The following CFTR variants were observed in gnomAD, a reference collection of about 807,000 sequenced individuals.
CFTR encodes CF transmembrane conductance regulator.
Under a neutral mutation model 171.6 loss-of-function variants are expected in CFTR, and 181 were observed. That is an observed-to-expected ratio of 1.05 (90% CI 0.93 to 1.19). The LOEUF is 1.19. Among genes scored for constraint, CFTR ranks in the 50% most tolerant of loss-of-function variants. CFTR has a pLI of 0.00. For missense variants in CFTR, 1,968 were observed against 1,734.7 expected (o/e 1.13, Z -2.39); for synonymous variants, 583 against 608.0 (o/e 0.96, Z 0.60).
intron 20 of CFTR, 83 bp downstream of exon 20, chr7:117,611,891 A>T: frequency 1.1e-6 from 1 of 889,330 alleles, no homozygotes; most frequent in Non-Finnish European, 1.8e-6. Context: ...TAGGTTATCA[A>T]TTTTTGATAT....
chr7:117,614,439 G>A (rs1792452205), intron 20 of CFTR, among the ~76,000 whole-genome samples, 174 bp from the exon 21 acceptor site: 1 of 152,058 alleles, frequency 6.6e-6, no homozygotes, highest in Non-Finnish European at 1.5e-5. Flanking sequence ...TATATGCAGA[G>A]CATTATTCTA....
Position 117,504,264 on chromosome 7 carries a change from C to T in CFTR, c.65C>T (p.Pro22Leu). 1 of 1,605,124 alleles carries T rather than the reference C, an allele frequency of 6.2e-7. No homozygotes were observed. Among genetic ancestry groups the T allele is most frequent in the Non-Finnish European group, 8.5e-7 (1 of 1,172,008 alleles). ...VSKLFFSWTR[P>L]ILRKGYRQRL... ...TCTCTTTATTTTAGCTGGACCAGACCAATTTTGAGGAAAGGATACAGACAG... is the reference window on the plus strand; with the variant it reads ...TCTCTTTATTTTAGCTGGACCAGACTAATTTTGAGGAAAGGATACAGACAG... The change falls in exon 2 of 27, where the codon CCA becomes CTA. Residue 22 changes from proline to leucine, a missense_variant. Physicochemically the swap from Pro to Leu is moderately conservative, Grantham distance 98 (BLOSUM62 -3). Transcript: ENST00000003084.
chr7:117,518,552 GAAAACATATATA>G (rs1313838269), intron 3 of CFTR, among the ~76,000 whole-genome samples: 1 of 143,838 alleles, frequency 7.0e-6, no homozygotes. Flanking sequence ...TATACATATA[GAAAACATATATA>G]AAAACATATA....
chr7:117,572,943 G>A (rs1464754280), intron 11 of CFTR, among the ~76,000 whole-genome samples: 1 of 151,920 alleles, frequency 6.6e-6, no homozygotes, highest in Non-Finnish European at 1.5e-5. Flanking sequence ...AGGGTTTATG[G>A]TATTTTCCTA....
intron 3 of CFTR, among the ~76,000 whole-genome samples, chr7:117,523,374 GT>G (rs1205226439): frequency 7.2e-6 from 1 of 139,580 alleles, no homozygotes; most frequent in Admixed American, 7.6e-5. Flanking sequence ...GTTTTGTTTT[GT>G]TTTTTGTTTT....
At chr7:117,596,409 C>G (rs1018671496) in intron 15 of CFTR, among the ~76,000 whole-genome samples, 1 of 152,224 alleles carries the variant, frequency 6.6e-6, no homozygotes, top group Non-Finnish European at 1.5e-5. Flanking sequence ...GCAGTGGGCT[C>G]CTGCGTGGCC....
At chr7:117,544,173 A>G (rs1799101238) in intron 9 of CFTR, among the ~76,000 whole-genome samples, 1 of 151,906 alleles carries the variant, frequency 6.6e-6, no homozygotes, top group African/African-American at 2.4e-5. Context: ...CCTTTTGGTG[A>G]TTTTTCTTTT....
chr7:117,529,513 T>TTA, intron 3 of CFTR, among the ~76,000 whole-genome samples: 1 of 119,980 alleles, frequency 8.3e-6, no homozygotes, highest in Admixed American at 8.5e-5. Flanking sequence ...ACTTAGAGTA[T>TTA]AAAAAAAAAA....
intron 20 of CFTR, among the ~76,000 whole-genome samples, chr7:117,612,035 A>ATATG (rs1554392408): frequency 6.7e-5 from 5 of 74,244 alleles, no homozygotes; most frequent in Admixed American, 1.2e-4. Flanking sequence ...ATATATATAT[A>ATATG]TATATATATA....
Position 117,667,317 on chromosome 7 carries a change from A to T in CFTR, c.*209A>T, listed in dbSNP as rs1265404822. On this transcript the variant is annotated 3_prime_UTR_variant, in exon 27 of 27. Coordinates refer to ENST00000003084, the MANE Select transcript of CFTR (RefSeq NM_000492.4). ...ATAAATGGCTTCCTGGCAATAGTCAAATTGTGTGAAAGGTACTTCAAATCC... is the reference window on the plus strand; with the variant it reads ...ATAAATGGCTTCCTGGCAATAGTCATATTGTGTGAAAGGTACTTCAAATCC... 29 of 567,410 alleles carry T rather than the reference A, an allele frequency of 5.1e-5. No homozygotes were observed. Among genetic ancestry groups the T allele is most frequent in the Non-Finnish European group, 8.9e-5 (28 of 314,126 alleles). The allele number at this position is 567,410 out of a possible 1,614,324, so 35.1% of individuals were successfully genotyped here.
At chr7:117,520,262 T>A (rs1437522211) in intron 3 of CFTR, among the ~76,000 whole-genome samples, 8 of 149,742 alleles carry the variant, frequency 5.3e-5, no homozygotes, top group African/African-American at 2.0e-4. Flanking sequence ...TTGTTTCTAG[T>A]GAGTTTTTTT....
At position 117,627,644 on chromosome 7, in the gene CFTR, C is replaced by T. The variant is rs1393226501; in HGVS notation, c.3591C>T (p.His1197=). The T allele has an allele frequency of 4.3e-6, 7 of 1,613,278 alleles. No individual in the cohort carries two copies. Among genetic ancestry groups the T allele is most frequent in the Non-Finnish European group, 4.2e-6 (5 of 1,179,614 alleles). The change falls in exon 22 of 27, where the codon CAC becomes CAT. Residue 1197 remains histidine (H), a synonymous_variant. Coordinates refer to ENST00000003084, the MANE Select transcript of CFTR (RefSeq NM_000492.4). ...LSKVMIIENS[H]VKKDDIWPSG... The stretch of plus-strand genomic sequence containing the variant: ...AAGTTATGATTATTGAGAATTCACA[C>T]GTGAAGAAAGATGACATCTGGCCCT...
At chr7:117,612,106 C>T (rs990876739) in intron 20 of CFTR, among the ~76,000 whole-genome samples, 5 of 121,946 alleles carry the variant, frequency 4.1e-5, no homozygotes, top group African/African-American at 9.4e-5. Context: ...AACCGATGCA[C>T]ACAGATTGTC....
chr7:117,661,983 G>GAAAA (rs57319132), intron 24 of CFTR, among the ~76,000 whole-genome samples: 1 of 87,490 alleles, frequency 1.1e-5, no homozygotes, highest in Non-Finnish European at 2.4e-5. Flanking sequence ...TAATTTTACT[G>GAAAA]AAAAAAAAAA....
chr7:117,524,535 A>G (rs1190937052), intron 3 of CFTR, among the ~76,000 whole-genome samples: 2 of 152,234 alleles, frequency 1.3e-5, no homozygotes, highest in Admixed American at 6.5e-5. Flanking sequence ...TAAGCATACT[A>G]TGAGCAATTA....
intron 18 of CFTR, among the ~76,000 whole-genome samples, chr7:117,608,736 T>C (rs1432831693): frequency 6.6e-6 from 1 of 152,180 alleles, no homozygotes; most frequent in East Asian, 1.9e-4. Context: ...TATACTTATG[T>C]TTTACCTCTG....
intron 11 of CFTR, among the ~76,000 whole-genome samples, chr7:117,562,639 G>T (rs1052577232): frequency 6.6e-6 from 1 of 152,158 alleles, no homozygotes; most frequent in Non-Finnish European, 1.5e-5. Flanking sequence ...AGTGAGCATG[G>T]TGGGTATGAA....
At chr7:117,629,310 T>G (rs1248065247) in intron 22 of CFTR, among the ~76,000 whole-genome samples, 2 of 152,142 alleles carry the variant, frequency 1.3e-5, no homozygotes, top group Non-Finnish European at 2.9e-5. Context: ...TGACAACAAA[T>G]TTAGTTTAAA....
intron 11 of CFTR, among the ~76,000 whole-genome samples, chr7:117,562,812 G>A (rs1452373833): frequency 6.6e-6 from 1 of 152,148 alleles, no homozygotes; most frequent in African/African-American, 2.4e-5. Context: ...CTAAAAGCAG[G>A]TGCCTTGAAG....
Sources: gnomAD v4.1 joint callset for allele counts (sites outside exome capture counted in the v4.1 genomes callset) on GRCh38, gnomAD v4.1.1 for gene constraint, MANE v1.5 for transcripts, NCBI Gene and HGNC (gene_info 2026-07-23, HGNC 2026-07-21) for gene names.